The following TRAPPC9 variants were observed in gnomAD, a reference collection of about 807,000 sequenced individuals.
The protein encoded by TRAPPC9 is trafficking protein particle complex subunit 9.
Under a neutral mutation model 124.0 loss-of-function variants are expected in TRAPPC9, and 83 were observed. The ratio of observed to expected loss-of-function variants is 0.67; its 90% CI spans 0.56 to 0.80. The LOEUF (loss-of-function observed/expected upper bound fraction) is 0.80. TRAPPC9 is among the 30% of genes least tolerant of loss of function. The pLI, the probability that TRAPPC9 is intolerant of heterozygous loss-of-function variation, is 0.00. For synonymous variants in TRAPPC9, 638 were observed against 617.5 expected (o/e 1.03, Z -0.49); for missense variants, 1,302 against 1,508.3 (o/e 0.86, Z 2.27).
intron 21 of TRAPPC9, among the ~76,000 whole-genome samples, chr8:139,878,426 G>T (rs1364523852): frequency 6.6e-6 from 1 of 152,218 alleles, no homozygotes; most frequent in Non-Finnish European, 1.5e-5. Context: ...TCTACCATGA[G>T]AATATATTCC....
At chr8:139,865,334 G>A (rs1828452689) in intron 21 of TRAPPC9, among the ~76,000 whole-genome samples, 1 of 152,210 alleles carries the variant, frequency 6.6e-6, no homozygotes, top group South Asian at 2.1e-4. Context: ...GAGACGGACT[G>A]TTTCTCTCTG....
At chr8:140,244,800 C>CTTTTTT (rs1162364645) in intron 16 of TRAPPC9, among the ~76,000 whole-genome samples, 16 of 90,174 alleles carry the variant, frequency 1.8e-4, no homozygotes, top group South Asian at 4.8e-4. Flanking sequence ...TTTCCAATTC[C>CTTTTTT]TTTTTTTTTT....
intron 17 of TRAPPC9, among the ~76,000 whole-genome samples, chr8:140,088,878 A>C (rs1844380374): frequency 6.6e-6 from 1 of 152,206 alleles, no homozygotes; most frequent in African/African-American, 2.4e-5. Context: ...ATCCACTTTT[A>C]GGGGAAATAA....
chr8:139,929,452 G>A (rs192347487), intron 19 of TRAPPC9, among the ~76,000 whole-genome samples: 31 of 152,282 alleles, frequency 2.0e-4, no homozygotes, highest in African/African-American at 7.5e-4. Flanking sequence ...AAAAAGGGAG[G>A]GGGCCGAGCG....
At chr8:140,248,411 G>A (rs4422756) in intron 16 of TRAPPC9, among the ~76,000 whole-genome samples, 9,532 of 152,280 alleles carry the variant, frequency 0.063, 533 homozygotes, top group African/African-American at 0.15. Flanking sequence ...CCACTGAGCT[G>A]CCCAATGAGT....
chr8:140,183,457 G>A (rs2062253544), intron 17 of TRAPPC9, among the ~76,000 whole-genome samples: 2 of 152,160 alleles, frequency 1.3e-5, no homozygotes, highest in African/African-American at 2.4e-5. Context: ...ATTCCACCTC[G>A]ATTACGTATT....
intron 21 of TRAPPC9, among the ~76,000 whole-genome samples, chr8:139,814,186 G>A (rs1824655005): frequency 6.6e-6 from 1 of 152,248 alleles, no homozygotes; most frequent in Non-Finnish European, 1.5e-5. Flanking sequence ...GGCAGGCGGT[G>A]GGCGGCCAGG....
chr8:139,752,206 ACCATCCATCCAT>A (rs200963563), intron 21 of TRAPPC9, among the ~76,000 whole-genome samples: 2 of 148,182 alleles, frequency 1.3e-5, no homozygotes, highest in Non-Finnish European at 3.0e-5. Flanking sequence ...CTACCCATCT[ACCATCCATCCAT>A]CCATCCAACA....
At chr8:140,134,892 A>G (rs984405671) in intron 17 of TRAPPC9, among the ~76,000 whole-genome samples, 3 of 152,244 alleles carry the variant, frequency 2.0e-5, no homozygotes, top group African/African-American at 7.2e-5. Context: ...AGTCTACAGA[A>G]CGGGAGAAAA....
At chr8:140,295,735 T>G (rs1258340792) in intron 11 of TRAPPC9, among the ~76,000 whole-genome samples, 1 of 152,134 alleles carries the variant, frequency 6.6e-6, no homozygotes, top group African/African-American at 2.4e-5. Flanking sequence ...TGATGATACC[T>G]CCCCCAATTA....
chr8:140,272,132 A>ATGATGGTGATGGTGATGG (rs1250595231), intron 15 of TRAPPC9, among the ~76,000 whole-genome samples: 2 of 138,630 alleles, frequency 1.4e-5, no homozygotes, highest in African/African-American at 5.3e-5. Context: ...GATGGTGGCG[A>ATGATGGTGATGGTGATGG]TGGTGATGGT....
intron 5 of TRAPPC9, among the ~76,000 whole-genome samples, chr8:140,407,394 ACT>A (rs899964143): frequency 6.5e-5 from 9 of 137,804 alleles, no homozygotes; most frequent in East Asian, 2.1e-4. Context: ...GTTGAGTTTT[ACT>A]CTCTTTTTTT....
chr8:139,785,562 A>ACC (rs1044481234), intron 21 of TRAPPC9, among the ~76,000 whole-genome samples: 1 of 151,532 alleles, frequency 6.6e-6, no homozygotes, highest in Non-Finnish European at 1.5e-5. Flanking sequence ...ACACACACAC[A>ACC]CACACACACA....
intron 21 of TRAPPC9, among the ~76,000 whole-genome samples, chr8:139,782,337 G>A (rs1167179171): frequency 1.3e-5 from 2 of 152,230 alleles, no homozygotes; most frequent in Non-Finnish European, 2.9e-5. Flanking sequence ...CAGAGATCGT[G>A]CCACTGCACT....
intron 9 of TRAPPC9, among the ~76,000 whole-genome samples, chr8:140,331,809 CAAA>C (rs751095862): frequency 6.6e-6 from 1 of 152,026 alleles, no homozygotes; most frequent in African/African-American, 2.4e-5. Context: ...TGGCTGTGAT[CAAA>C]AAGACAAAGG....
intron 17 of TRAPPC9, among the ~76,000 whole-genome samples, chr8:140,112,212 G>A (rs2060790583): frequency 6.6e-6 from 1 of 151,870 alleles, no homozygotes; most frequent in South Asian, 2.1e-4. Flanking sequence ...AGACGATGGT[G>A]GGACAGGTGG....
chr8:140,182,309 G>A lies in TRAPPC9; in HGVS notation c.2556+39150C>T, dbSNP rs1301039247. Among the ~76,000 whole-genome samples the A allele has an allele frequency of 1.3e-5, 2 of 149,250 alleles. No homozygotes were observed. The highest frequency in any genetic ancestry group is 6.7e-5 in the Admixed American group (1 of 14,874). On this transcript the variant is annotated intron_variant, in intron 17 of 22. Transcript: ENST00000438773. This position sits in a 1 kb window ranked among gnomAD's most constrained non-coding sequence, Gnocchi z 4.0. ...CCCTAAGACCTTGGTCTATTCAACT[G>A]TTTTCTACATATTTCAACTAAAAAA...
intron 7 of TRAPPC9, among the ~76,000 whole-genome samples, chr8:140,378,850 A>G (rs1251400831): frequency 6.6e-6 from 1 of 152,162 alleles, no homozygotes; most frequent in Non-Finnish European, 1.5e-5. Flanking sequence ...TCTGGCTTCC[A>G]AGGCCTACTG....
At chr8:140,098,255 AT>A (rs1158605987) in intron 17 of TRAPPC9, 1 of 152,086 alleles carries the variant, frequency 6.6e-6, no homozygotes, top group African/African-American at 2.4e-5. Context: ...AGGCTTCAGC[AT>A]TCCTGCGATC....
Sources: allele counts gnomAD v4.1 joint callset (sites outside exome capture counted in the v4.1 genomes callset), GRCh38; gene constraint gnomAD v4.1.1; non-coding constraint Gnocchi (gnomAD v3.1); transcripts MANE v1.5; gene names NCBI Gene and HGNC (gene_info 2026-07-23, HGNC 2026-07-21).